The following MTX2 variants were observed in gnomAD, a reference collection of about 807,000 sequenced individuals.
MTX2 encodes metaxin-2.
A neutral mutation model predicts 42.3 loss-of-function variants in MTX2; 35 were observed. That is an observed-to-expected ratio of 0.83 (90% CI 0.63 to 1.10). MTX2 has a LOEUF of 1.10. MTX2 is among the 50% of genes least tolerant of loss of function. The pLI is 0.00. For synonymous variants in MTX2, 119 were observed against 100.9 expected, an observed-to-expected ratio of 1.18 and a Z score of -1.08; for missense variants, 307 against 304.1, an observed-to-expected ratio of 1.01 and a Z score of -0.07.
At chr2:176,314,378 G>C (rs1352708183) in intron 3 of MTX2, among the ~76,000 whole-genome samples, 1 of 151,748 alleles carries the variant, frequency 6.6e-6, no homozygotes, top group Non-Finnish European at 1.5e-5. Context: ...CAGAGATTAT[G>C]GTGAGTCGAG....
intron 3 of MTX2, among the ~76,000 whole-genome samples, chr2:176,299,139 A>G (rs76520671): frequency 0.01 from 1,597 of 152,222 alleles, 28 homozygotes; most frequent in African/African-American, 0.037. Context: ...GACAATATTT[A>G]AGTGTTTTTG....
At chr2:176,270,507 A>G in intron 1 of MTX2, 2 of 941,200 alleles carry the variant, frequency 2.1e-6, no homozygotes, top group Non-Finnish European at 3.0e-6. Flanking sequence ...AAACATAGGT[A>G]CTTTGAGATA....
At chr2:176,306,362 C>T (rs758485355) in intron 3 of MTX2, among the ~76,000 whole-genome samples, 17 of 152,266 alleles carry the variant, frequency 1.1e-4, no homozygotes, top group Non-Finnish European at 2.2e-4. Flanking sequence ...AATAGTGCTG[C>T]AATAAACATG....
At chr2:176,333,912 ACT>A (rs1329686507) in intron 9 of MTX2, among the ~76,000 whole-genome samples, 1 of 151,658 alleles carries the variant, frequency 6.6e-6, no homozygotes, top group Non-Finnish European at 1.5e-5. Flanking sequence ...GTGTAAGTAG[ACT>A]CTATGATGTT....
chr2:176,279,900 G>A (rs1458477945), intron 1 of MTX2, among the ~76,000 whole-genome samples: 1 of 152,154 alleles, frequency 6.6e-6, no homozygotes, highest in African/African-American at 2.4e-5. Context: ...AAATTACAGA[G>A]TGCAGATTAT....
intron 1 of MTX2, among the ~76,000 whole-genome samples, chr2:176,287,013 T>C (rs2105404059): frequency 6.6e-6 from 1 of 152,358 alleles, no homozygotes; most frequent in Non-Finnish European, 1.5e-5. Flanking sequence ...GTTTTTTTCT[T>C]GTTTTTTGTG....
intron 1 of MTX2, among the ~76,000 whole-genome samples, chr2:176,284,027 C>T (rs1693138638): frequency 6.6e-6 from 1 of 151,836 alleles, no homozygotes; most frequent in South Asian, 2.1e-4. Context: ...AATTACAAGA[C>T]TCTTCTGTTA....
In MTX2 at chr2:176,323,465, G is replaced by T; in HGVS notation, c.208+1G>T. On this transcript the variant is annotated splice_donor_variant, in intron 4 of 9. Coordinates refer to ENST00000249442, the MANE Select transcript of MTX2 (RefSeq NM_006554.5). LOFTEE classifies it high-confidence loss of function. ...AATGCAGAATATATGTCTCCATCTGGTAAGTGTGTTTTTTTTTCTTCTCTG... is the reference window on the plus strand; with the variant it reads ...AATGCAGAATATATGTCTCCATCTGTTAAGTGTGTTTTTTTTTCTTCTCTG... 6.2e-7 allele frequency: 1 copy of T among 1,608,240 alleles called. No homozygotes were observed. The highest frequency in any genetic ancestry group is 8.5e-7 in the Non-Finnish European group (1 of 1,176,084).
intron 3 of MTX2, among the ~76,000 whole-genome samples, chr2:176,317,441 T>G (rs1361518448): frequency 6.6e-6 from 1 of 152,206 alleles, no homozygotes; most frequent in African/African-American, 2.4e-5. Flanking sequence ...GTGGTTTGTT[T>G]TGGCTCTGTA....
chr2:176,332,440 T>C (rs1171123359), intron 9 of MTX2, among the ~76,000 whole-genome samples: 1 of 151,254 alleles, frequency 6.6e-6, no homozygotes, highest in Non-Finnish European at 1.5e-5. Flanking sequence ...CTGACATATC[T>C]CTAAGTTACT....
chr2:176,280,338 A>G (rs1392533952), intron 1 of MTX2, among the ~76,000 whole-genome samples: 1 of 152,240 alleles, frequency 6.6e-6, no homozygotes, highest in Non-Finnish European at 1.5e-5. Context: ...TCAGCTTGGT[A>G]ACCGATTTAG....
At chr2:176,277,036 T>C (rs1439376964) in intron 1 of MTX2, among the ~76,000 whole-genome samples, 1 of 152,254 alleles carries the variant, frequency 6.6e-6, no homozygotes, top group African/African-American at 2.4e-5. Context: ...ATTTAAGCAG[T>C]AGCATTAATT....
intron 1 of MTX2, among the ~76,000 whole-genome samples, chr2:176,276,784 TA>T (rs1223003469): frequency 2.0e-5 from 3 of 152,204 alleles, no homozygotes; most frequent in Non-Finnish European, 2.9e-5. Flanking sequence ...TACTTTTCTT[TA>T]CTCATATACC....
intron 4 of MTX2, among the ~76,000 whole-genome samples, chr2:176,325,511 C>T (rs936617339): frequency 6.6e-6 from 1 of 151,548 alleles, no homozygotes; most frequent in Non-Finnish European, 1.5e-5. Flanking sequence ...TGACAACGCT[C>T]AATGTATTTT....
chr2:176,319,956 T>C (rs1684538465), intron 3 of MTX2, among the ~76,000 whole-genome samples: 1 of 152,158 alleles, frequency 6.6e-6, no homozygotes. Flanking sequence ...CTCCTCGGCC[T>C]CTGGAAGCAC....
chr2:176,315,070 G>C (rs1239978137), intron 3 of MTX2, among the ~76,000 whole-genome samples: 1 of 152,120 alleles, frequency 6.6e-6, no homozygotes, highest in Non-Finnish European at 1.5e-5. Context: ...CTTGAGGATT[G>C]GGCTTCTCAA....
At chr2:176,307,825 AC>A (rs1684190388) in intron 3 of MTX2, among the ~76,000 whole-genome samples, 1 of 152,180 alleles carries the variant, frequency 6.6e-6, no homozygotes, top group Admixed American at 6.5e-5. Context: ...TTCTAAATAT[AC>A]AATCATATCA....
chr2:176,319,580 G>C (rs532335735), intron 3 of MTX2, among the ~76,000 whole-genome samples: 58 of 150,922 alleles, frequency 3.8e-4, no homozygotes, highest in African/African-American at 1.4e-3. Flanking sequence ...GTTTTGTTTT[G>C]TTTTTTGTTT....
chr2:176,296,931 A>T, intron 2 of MTX2, 24 bp downstream of exon 2: 1 of 1,600,198 alleles, frequency 6.2e-7, no homozygotes, highest in South Asian at 1.1e-5. Flanking sequence ...ACAATTAAAA[A>T]TGGCTTTGTA....
Sources: allele counts gnomAD v4.1 joint callset (sites outside exome capture counted in the v4.1 genomes callset), GRCh38; gene constraint gnomAD v4.1.1; transcripts MANE v1.5; gene names NCBI Gene and HGNC (gene_info 2026-07-23, HGNC 2026-07-21).